The following HBEGF variants were observed in gnomAD, a reference collection of about 807,000 sequenced individuals.
The protein encoded by HBEGF is heparin binding EGF like growth factor.
A neutral mutation model predicts 19.5 loss-of-function variants in HBEGF; 8 were observed. The ratio of observed to expected loss-of-function variants is 0.41; its 90% CI spans 0.24 to 0.74. The LOEUF (loss-of-function observed/expected upper bound fraction) is 0.74, where lower values mean the gene tolerates loss of function less well. Among genes scored for constraint, HBEGF ranks in the 30% least tolerant of loss-of-function variants. The pLI, the probability that HBEGF is intolerant of heterozygous loss-of-function variation, is 0.32. For missense variants in HBEGF, 207 were observed against 256.9 expected (o/e 0.81, Z 1.33); for synonymous variants, 97 against 108.9 (o/e 0.89, Z 0.68).
At chr5:140,345,188 A>G (rs1020068937) in intron 2 of HBEGF, among the ~76,000 whole-genome samples, 5 of 152,200 alleles carry the variant, frequency 3.3e-5, no homozygotes, top group Admixed American at 6.5e-5. Context: ...GTTTGGAGGC[A>G]GGAGAGCTGG....
At chr5:140,335,030 A>G (rs1196107753) in intron 4 of HBEGF, 2 of 473,176 alleles carry the variant, frequency 4.2e-6, no homozygotes, top group Middle Eastern at 5.8e-4. Flanking sequence ...ACAAGGTTAC[A>G]ATCCTCAGAA....
At position 140,346,198 on chromosome 5, in the gene HBEGF, G is replaced by A. The variant is rs1190379688; in HGVS notation, c.46+85C>T. On this transcript the variant is annotated intron_variant, in intron 1 of 5. Coordinates refer to ENST00000230990, the MANE Select transcript of HBEGF (RefSeq NM_001945.3). This position sits in a 1 kb window ranked among gnomAD's most constrained non-coding sequence, Gnocchi z 6.1. The stretch of plus-strand genomic sequence containing the variant: ...AGGGCCCCACCAAGTGGCCCGTGCC[G>A]GGTGCGCTGCGGCGACCTTCCCCCA... The A allele has an allele frequency of 3.2e-6, 5 of 1,555,158 alleles. No individual in the cohort carries two copies. The highest frequency in any genetic ancestry group is 1.9e-5 in the Admixed American group (1 of 52,554).
intron 4 of HBEGF, among the ~76,000 whole-genome samples, chr5:140,335,653 G>A (rs1266182223): frequency 3.3e-5 from 5 of 152,148 alleles, no homozygotes. Context: ...CCTGTGAGGA[G>A]CAGAACCTGC....
chr5:140,342,490 A>G (rs1050682706), intron 3 of HBEGF, 145 bp downstream of exon 3: 12 of 783,944 alleles, frequency 1.5e-5, no homozygotes, highest in Admixed American at 1.0e-4. Context: ...GACTAAAAAT[A>G]TATTTCCCCT....
At chr5:140,334,630 T>C (rs777741511) in intron 5 of HBEGF, 28 bp downstream of exon 5, 3 of 1,447,490 alleles carry the variant, frequency 2.1e-6, no homozygotes, top group South Asian at 1.1e-5. Flanking sequence ...AGGATAATCA[T>C]GTCATGGGGC....
At chr5:140,336,139 C>T in intron 3 of HBEGF, 112 bp from the exon 4 acceptor site, 1 of 1,073,780 alleles carries the variant, frequency 9.3e-7, no homozygotes, top group Non-Finnish European at 1.3e-6. Context: ...CTGTCAATCC[C>T]TGACCACGAT....
intron 3 of HBEGF, among the ~76,000 whole-genome samples, chr5:140,342,326 C>T (rs762854474): frequency 3.9e-4 from 59 of 152,174 alleles, no homozygotes; most frequent in South Asian, 1.2e-3. Flanking sequence ...CAGAGTAGGG[C>T]ATCAGGCAAG....
At chr5:140,344,981 G>C (rs1581114570) in intron 2 of HBEGF, among the ~76,000 whole-genome samples, 1 of 152,188 alleles carries the variant, frequency 6.6e-6, no homozygotes. Flanking sequence ...TGAAGTATGG[G>C]AGCCCAGGCT....
chr5:140,334,982 C>T, intron 4 of HBEGF: 1 of 579,074 alleles, frequency 1.7e-6, no homozygotes, highest in Non-Finnish European at 3.1e-6. Context: ...ATCCTCACAA[C>T]ATCCTTATGA....
intron 3 of HBEGF, among the ~76,000 whole-genome samples, chr5:140,336,590 T>C (rs369313066): frequency 1.1e-3 from 167 of 151,986 alleles, no homozygotes; most frequent in African/African-American, 3.9e-3. Context: ...TCAAGTTTCC[T>C]TCATTTAACT....
chr5:140,336,023 G>A lies in HBEGF; in HGVS notation c.403C>T (p.His135Tyr). The change falls in exon 4 of 6, where the codon CAC (histidine) becomes TAC (tyrosine). Residue 135 changes from histidine to tyrosine, a missense_variant. This residue lies in a region of HBEGF where 77 missense variants were observed against 106.9 expected (regional missense o/e 0.72). Transcript: ENST00000230990. The stretch of plus-strand genomic sequence containing the variant: ...CACCTCTCTCCATGGTAACCCGGGT[G>A]GCAGCTAGTTCAAGACAGAACAAGA... ...KELRAPSCIC[H>Y]PGYHGERCHG... 2 of 1,613,844 alleles carry A rather than the reference G, an allele frequency of 1.2e-6. No individual in the cohort carries two copies. The highest frequency in any genetic ancestry group is 1.7e-6 in the Non-Finnish European group (2 of 1,179,884).
intron 3 of HBEGF, among the ~76,000 whole-genome samples, chr5:140,336,975 C>T (rs1766238288): frequency 6.6e-6 from 1 of 151,850 alleles, no homozygotes; most frequent in Non-Finnish European, 1.5e-5. Context: ...ATTACAGGTG[C>T]CCGCCACCAC....
At chr5:140,344,807 G>A (rs1001034570) in intron 2 of HBEGF, among the ~76,000 whole-genome samples, 2 of 149,636 alleles carry the variant, frequency 1.3e-5, no homozygotes, top group African/African-American at 2.5e-5. Context: ...GCCATGGACA[G>A]GGAGCAGTGA....
At chr5:140,337,375 C>T (rs893818717) in intron 3 of HBEGF, among the ~76,000 whole-genome samples, 10 of 152,314 alleles carry the variant, frequency 6.6e-5, no homozygotes, top group Non-Finnish European at 1.2e-4. Context: ...TGCCCACTCA[C>T]ACCTGACAAC....
intron 3 of HBEGF, among the ~76,000 whole-genome samples, chr5:140,340,862 C>A (rs754485648): frequency 2.6e-5 from 4 of 152,200 alleles, no homozygotes; most frequent in Non-Finnish European, 5.9e-5. Flanking sequence ...TACTGAGACT[C>A]TGTCTTATTT....
chr5:140,338,011 T>C (rs1766253626), intron 3 of HBEGF, among the ~76,000 whole-genome samples: 1 of 152,170 alleles, frequency 6.6e-6, no homozygotes, highest in Non-Finnish European at 1.5e-5. Flanking sequence ...ATTAAGTGAT[T>C]CACCAAAAGT....
intron 3 of HBEGF, among the ~76,000 whole-genome samples, chr5:140,339,261 G>C (rs1158019902): frequency 6.6e-6 from 1 of 152,154 alleles, no homozygotes; most frequent in Non-Finnish European, 1.5e-5. Context: ...CCCCTAGCCT[G>C]TCTCTCCTCC....
In HBEGF at chr5:140,346,011, C is replaced by T. The variant is rs775445586; in HGVS notation, c.120G>A (p.Pro40=). 1 of 1,614,098 alleles carries T rather than the reference C, an allele frequency of 6.2e-7. No individual in the cohort carries two copies. The highest frequency in any genetic ancestry group is 2.2e-5 in the East Asian group (1 of 44,878). Residue 40 remains proline, a synonymous_variant, in exon 2 of 6, where the codon CCG becomes CCA. Transcript: ENST00000230990. This position sits in a 1 kb window ranked among gnomAD's most constrained non-coding sequence, Gnocchi z 6.1. ...GGTCCGTGGATACAGTGGGAGGGTC[C>T]GGGTTGCTGGTTCCAGCAGCTAGCC... is the stretch of plus-strand genomic sequence containing the variant. ...RRGLAAGTSN[P]DPPTVSTDQL...
intron 3 of HBEGF, among the ~76,000 whole-genome samples, chr5:140,336,956 G>A (rs1479913593): frequency 6.6e-6 from 1 of 150,472 alleles, no homozygotes; most frequent in Non-Finnish European, 1.5e-5. Flanking sequence ...AGCCTCCCAA[G>A]TAGCTGGGAT....
Sources: allele counts gnomAD v4.1 joint callset (sites outside exome capture counted in the v4.1 genomes callset), GRCh38; gene constraint gnomAD v4.1.1; regional missense constraint gnomAD v4.1.1; non-coding constraint Gnocchi (gnomAD v3.1); transcripts MANE v1.5; gene names NCBI Gene and HGNC (gene_info 2026-07-23, HGNC 2026-07-21).